The following UNC13C variants were observed in gnomAD, a reference collection of about 807,000 sequenced individuals.
The protein encoded by UNC13C is unc-13 homolog C.
In UNC13C, 174 loss-of-function variants were observed where a neutral mutation model predicts 245.4. That is an observed-to-expected ratio of 0.71 (90% CI 0.63 to 0.80). The LOEUF is 0.80. Among genes scored for constraint, UNC13C ranks in the 30% least tolerant of loss-of-function variants. The pLI, the probability that UNC13C is intolerant of heterozygous loss-of-function variation, is 0.00. For synonymous variants in UNC13C, 992 were observed against 895.1 expected (o/e 1.11, Z -1.93); for missense variants, 2,829 against 2,602.9 (o/e 1.09, Z -1.89).
At chr15:54,060,961 C>T (rs1201819459) in intron 2 of UNC13C, among the ~76,000 whole-genome samples, 1 of 151,424 alleles carries the variant, frequency 6.6e-6, no homozygotes, top group African/African-American at 2.4e-5. Context: ...ACACCGGGGA[C>T]TGTTGTGGGG....
intron 4 of UNC13C, among the ~76,000 whole-genome samples, chr15:54,212,222 A>G (rs1363665949): frequency 6.6e-6 from 1 of 152,120 alleles, no homozygotes; most frequent in Non-Finnish European, 1.5e-5. Context: ...CTAAGCTTTC[A>G]TCATGCCAAA....
intron 4 of UNC13C, among the ~76,000 whole-genome samples, chr15:54,202,274 C>G (rs2034547467): frequency 6.6e-6 from 1 of 151,790 alleles, no homozygotes; most frequent in Non-Finnish European, 1.5e-5. Context: ...GATACAATTC[C>G]TATCAAAATG....
chr15:54,168,530 C>A (rs2033269253), intron 4 of UNC13C, among the ~76,000 whole-genome samples: 1 of 152,094 alleles, frequency 6.6e-6, no homozygotes, highest in Admixed American at 6.5e-5. Context: ...CTTTTATATG[C>A]TACTAAGCAA....
intron 2 of UNC13C, among the ~76,000 whole-genome samples, chr15:54,072,499 C>T (rs537648473): frequency 6.6e-6 from 1 of 152,302 alleles, no homozygotes; most frequent in Admixed American, 6.5e-5. Context: ...TTGCGCACAT[C>T]ACCCAAAGAG....
At chr15:54,122,549 G>A (rs1208205816) in intron 2 of UNC13C, among the ~76,000 whole-genome samples, 5 of 151,758 alleles carry the variant, frequency 3.3e-5, no homozygotes, top group African/African-American at 7.3e-5. Context: ...TTTGGCTACC[G>A]TACGAATCCT....
intron 2 of UNC13C, among the ~76,000 whole-genome samples, chr15:54,065,695 A>T (rs1213274480): frequency 6.6e-6 from 1 of 152,218 alleles, no homozygotes; most frequent in Non-Finnish European, 1.5e-5. Context: ...CCAGTACCTC[A>T]CAAGAACTTT....
Position 54,612,301 on chromosome 15 carries a change from T to C in UNC13C, c.6107-10026T>C, listed in dbSNP as rs568913247. On this transcript the variant is annotated intron_variant, in intron 30 of 32. Transcript: ENST00000260323. ...AGCAATGCTAGATACCTTAAAGGTG[T>C]GGAAAGGTTACACATTTTCCACATG... 1.8e-4 allele frequency among the ~76,000 whole-genome samples: 27 copies of C among 148,192 alleles called. No individual in the cohort carries two copies. In the South Asian group the frequency reaches 5.4e-3, roughly 30 times the overall value.
the UNC13C span, among the ~76,000 whole-genome samples, chr15:53,850,779 C>G: frequency 1.3e-5 from 2 of 150,250 alleles, no homozygotes; most frequent in Non-Finnish European, 3.0e-5. Flanking sequence ...CTTTCCTGTT[C>G]TCTCTTCTCT....
intron 19 of UNC13C, among the ~76,000 whole-genome samples, chr15:54,469,359 T>C (rs1046408401): frequency 2.0e-5 from 3 of 151,540 alleles, no homozygotes; most frequent in Non-Finnish European, 4.4e-5. Flanking sequence ...TTATATAAAA[T>C]CATGCCATCA....
At chr15:54,345,654 A>G (rs2038843309) in intron 17 of UNC13C, among the ~76,000 whole-genome samples, 3 of 152,152 alleles carry the variant, frequency 2.0e-5, no homozygotes, top group African/African-American at 7.2e-5. Flanking sequence ...AATCTGGCTT[A>G]TTTTGACTAA....
chr15:54,349,801 G>A (rs1172714637), intron 17 of UNC13C, among the ~76,000 whole-genome samples: 3 of 152,124 alleles, frequency 2.0e-5, no homozygotes, highest in Non-Finnish European at 4.4e-5. Context: ...TGAGGAGATG[G>A]AGGCAACCCA....
chr15:54,180,597 A>G (rs1595958607), intron 4 of UNC13C, among the ~76,000 whole-genome samples: 1 of 151,996 alleles, frequency 6.6e-6, no homozygotes, highest in South Asian at 2.1e-4. Flanking sequence ...ACAGTGACCA[A>G]ACTAATTTAC....
intron 4 of UNC13C, among the ~76,000 whole-genome samples, chr15:54,193,928 T>C: frequency 6.6e-6 from 1 of 151,958 alleles, no homozygotes; most frequent in East Asian, 1.9e-4. Context: ...GCTACGAAGG[T>C]TCTACTGAAG....
chr15:54,532,851 T>G, intron 25 of UNC13C, 66 bp from the exon 26 acceptor site: 2 of 1,079,656 alleles, frequency 1.9e-6, no homozygotes, highest in South Asian at 3.2e-5. Context: ...ATCCTCAGGG[T>G]GAAATTGGAA....
intron 26 of UNC13C, among the ~76,000 whole-genome samples, chr15:54,538,029 GAGTAAAC>G (rs1896062095): frequency 6.9e-6 from 1 of 144,244 alleles, no homozygotes; most frequent in East Asian, 2.1e-4. Context: ...ACTATTGTCA[GAGTAAAC>G]AGACATCTTA....
At chr15:54,064,383 G>A (rs1897979553) in intron 2 of UNC13C, among the ~76,000 whole-genome samples, 1 of 152,078 alleles carries the variant, frequency 6.6e-6, no homozygotes, top group East Asian at 1.9e-4. Context: ...CCTGTCTCTA[G>A]CTCACTTAAG....
chr15:53,966,529 A>G, the UNC13C span, among the ~76,000 whole-genome samples: 1 of 152,146 alleles, frequency 6.6e-6, no homozygotes, highest in Admixed American at 6.6e-5. Context: ...AATGTGTTGA[A>G]TATCACATTT....
intron 10 of UNC13C, among the ~76,000 whole-genome samples, chr15:54,272,703 C>G (rs1309888721): frequency 6.6e-6 from 1 of 152,016 alleles, no homozygotes; most frequent in African/African-American, 2.4e-5. Context: ...TTCTACTGTT[C>G]GCTTGCTAAA....
chr15:54,196,829 T>A (rs1034105807), intron 4 of UNC13C, among the ~76,000 whole-genome samples: 3 of 152,172 alleles, frequency 2.0e-5, no homozygotes, highest in Non-Finnish European at 2.9e-5. Context: ...CTTAACCCGA[T>A]GAACTTATAT....
Sources: gnomAD v4.1 joint callset for allele counts (sites outside exome capture counted in the v4.1 genomes callset) on GRCh38, gnomAD v4.1.1 for gene constraint, MANE v1.5 for transcripts, NCBI Gene and HGNC (gene_info 2026-07-23, HGNC 2026-07-21) for gene names.